The following TASP1 variants were observed in gnomAD, a reference collection of about 807,000 sequenced individuals.
The protein encoded by TASP1 is threonine aspartase 1.
TASP1 carries 16 observed loss-of-function variants against 56.6 expected under a neutral mutation model. That is an observed-to-expected ratio of 0.28 (90% CI 0.19 to 0.43). The LOEUF (loss-of-function observed/expected upper bound fraction) is 0.43. Among genes scored for constraint, TASP1 ranks in the 20% least tolerant of loss-of-function variants. TASP1 has a pLI of 1.00. For missense variants in TASP1, 393 were observed against 511.6 expected, an observed-to-expected ratio of 0.77 and a Z score of 2.24; for synonymous variants, 179 against 184.2, an observed-to-expected ratio of 0.97 and a Z score of 0.23.
chr20:13,385,280 T>TC (rs1180965166), downstream of TASP1, among the ~76,000 whole-genome samples: 1 of 152,236 alleles, frequency 6.6e-6, no homozygotes, highest in Non-Finnish European at 1.5e-5. Context: ...CTTGAAGGCA[T>TC]CCACCAGTCC....
At chr20:13,269,005 C>T in the TASP1 span, among the ~76,000 whole-genome samples, 1 of 152,284 alleles carries the variant, frequency 6.6e-6, no homozygotes, top group East Asian at 1.9e-4. Flanking sequence ...TGTGTTTCAG[C>T]CTCAGTGCTC....
chr20:13,635,794 G>A (rs997012591), intron 1 of TASP1, among the ~76,000 whole-genome samples: 2 of 152,158 alleles, frequency 1.3e-5, no homozygotes, highest in Non-Finnish European at 2.9e-5. Flanking sequence ...CAAGTTTTAT[G>A]GATAGCTCAA....
the TASP1 span, among the ~76,000 whole-genome samples, chr20:13,137,069 CT>C: frequency 2.0e-5 from 3 of 152,158 alleles, no homozygotes; most frequent in Non-Finnish European, 4.4e-5. Flanking sequence ...CAAATTAGAG[CT>C]AAGTCCCCCA....
At chr20:13,181,151 G>A in the TASP1 span, among the ~76,000 whole-genome samples, 1 of 152,162 alleles carries the variant, frequency 6.6e-6, no homozygotes, top group African/African-American at 2.4e-5. Context: ...TGTCTCAGGA[G>A]CAACTCTCTC....
At chr20:13,112,435 A>C in the TASP1 span, among the ~76,000 whole-genome samples, 1 of 152,152 alleles carries the variant, frequency 6.6e-6, no homozygotes, top group African/African-American at 2.4e-5. Flanking sequence ...AGACATTATC[A>C]CTTCTGCCCT....
chr20:13,393,640 TG>T, intron 13 of TASP1: 2 of 1,286,172 alleles, frequency 1.6e-6, no homozygotes, highest in Non-Finnish European at 2.2e-6. Context: ...AATATGGTGG[TG>T]GACCTCATGG....
chr20:13,135,119 GC>G, the TASP1 span, among the ~76,000 whole-genome samples: 1 of 152,270 alleles, frequency 6.6e-6, no homozygotes, highest in East Asian at 1.9e-4. Flanking sequence ...CAGAGATACT[GC>G]CATTTCTCCA....
the TASP1 span, among the ~76,000 whole-genome samples, chr20:13,134,840 GT>G: frequency 2.6e-5 from 4 of 152,314 alleles, no homozygotes; most frequent in East Asian, 7.7e-4. Context: ...CATGAAATGT[GT>G]TTGGATCCAT....
At chr20:13,367,906 A>G in the TASP1 span, among the ~76,000 whole-genome samples, 1 of 152,138 alleles carries the variant, frequency 6.6e-6, no homozygotes, top group Non-Finnish European at 1.5e-5. Context: ...TGTTCCAGCT[A>G]CCCCGGAGCT....
chr20:13,612,375 T>C (rs1042298730), intron 4 of TASP1, among the ~76,000 whole-genome samples: 1 of 152,118 alleles, frequency 6.6e-6, no homozygotes, highest in Non-Finnish European at 1.5e-5. Context: ...TAAAATATCA[T>C]GGTATTTTTC....
the TASP1 span, among the ~76,000 whole-genome samples, chr20:13,116,787 T>C: frequency 6.6e-6 from 1 of 152,190 alleles, no homozygotes; most frequent in Non-Finnish European, 1.5e-5. Context: ...CCTGGGAGCT[T>C]GGCAAAAATG....
chr20:13,619,772 G>A (rs1220115343), intron 4 of TASP1, among the ~76,000 whole-genome samples: 1 of 152,114 alleles, frequency 6.6e-6, no homozygotes, highest in Non-Finnish European at 1.5e-5. Context: ...TGAAACCAGA[G>A]TTGTACCATC....
the TASP1 span, among the ~76,000 whole-genome samples, chr20:13,366,801 G>T: frequency 6.6e-6 from 1 of 152,106 alleles, no homozygotes; most frequent in Non-Finnish European, 1.5e-5. Flanking sequence ...ATACCAAAAA[G>T]CATTTCCCCT....
chr20:13,623,032 G>T (rs2048770337), intron 4 of TASP1, among the ~76,000 whole-genome samples: 1 of 152,118 alleles, frequency 6.6e-6, no homozygotes, highest in African/African-American at 2.4e-5. Flanking sequence ...CAATTTCAGG[G>T]TATATATCTA....
At chr20:13,440,246 C>T (rs559151166) in intron 11 of TASP1, among the ~76,000 whole-genome samples, 4 of 152,280 alleles carry the variant, frequency 2.6e-5, no homozygotes, top group African/African-American at 9.6e-5. Flanking sequence ...AAAGAGATTA[C>T]CTCCCATGCA....
At chr20:13,540,364 C>T (rs2045576889) in intron 8 of TASP1, among the ~76,000 whole-genome samples, 1 of 152,270 alleles carries the variant, frequency 6.6e-6, no homozygotes, top group East Asian at 1.9e-4. Context: ...TATAAACCTA[C>T]CTATGACCCA....
At position 13,433,520 on chromosome 20, in the gene TASP1, C is replaced by CAAAAAA. The variant is rs74746255; in HGVS notation, c.1096+1518_1096+1523dup. 9.0e-5 allele frequency among the ~76,000 whole-genome samples: 8 copies of CAAAAAA among 89,194 alleles called. No individual in the cohort carries two copies. In the East Asian group the frequency reaches 9.6e-4, roughly 11 times the overall value. The allele number at this position is 89,194 out of a possible 152,430, so 58.5% of individuals were successfully genotyped here. A position where few individuals can be genotyped will look rare whatever the true frequency, so the allele number is the denominator to read the frequency against. On this transcript the variant is annotated intron_variant, in intron 12 of 13. Coordinates refer to ENST00000337743, the MANE Select transcript of TASP1 (RefSeq NM_017714.3). ...CAGAGGGTAGAAGGAGACAGTATGG[C>CAAAAAA]AAAAAAAAAAAAAAAAAAAAATACA...
chr20:13,475,159 C>T (rs752666009), intron 11 of TASP1, among the ~76,000 whole-genome samples: 7 of 151,754 alleles, frequency 4.6e-5, no homozygotes, highest in African/African-American at 7.3e-5. Flanking sequence ...TTCTTAATAA[C>T]TTCTTTCTCT....
chr20:13,601,618 A>G (rs2047959676), intron 4 of TASP1, among the ~76,000 whole-genome samples: 1 of 152,176 alleles, frequency 6.6e-6, no homozygotes, highest in Admixed American at 6.5e-5. Context: ...AAGGTGAAGC[A>G]AAACTCCCCA....
Sources: allele counts gnomAD v4.1 joint callset (sites outside exome capture counted in the v4.1 genomes callset), GRCh38; gene constraint gnomAD v4.1.1; transcripts MANE v1.5; gene names NCBI Gene and HGNC (gene_info 2026-07-23, HGNC 2026-07-21).